APBB2: variants seen among roughly 807,000 people sequenced by gnomAD.
APBB2 encodes the protein Fe65-like 1.
In APBB2, 38 loss-of-function variants were observed where a neutral mutation model predicts 82.5. The ratio of observed to expected loss-of-function variants is 0.46; its 90% CI spans 0.36 to 0.60. APBB2 has a LOEUF of 0.60. APBB2 is among the 20% of genes least tolerant of loss of function. The pLI is 0.00. For missense variants in APBB2, 772 were observed against 972.3 expected (o/e 0.79, Z 2.74); for synonymous variants, 341 against 368.2 (o/e 0.93, Z 0.85).
chr4:40,971,215 C>A (rs1353987801), intron 6 of APBB2, among the ~76,000 whole-genome samples: 1 of 152,158 alleles, frequency 6.6e-6, no homozygotes, highest in Non-Finnish European at 1.5e-5. Flanking sequence ...GAGACTCGAA[C>A]TCTAGGAGGA....
intron 12 of APBB2, among the ~76,000 whole-genome samples, chr4:40,831,429 T>G (rs974911650): frequency 4.0e-5 from 6 of 151,678 alleles, no homozygotes; most frequent in African/African-American, 1.5e-4. Context: ...AAACATAACT[T>G]CAAAAGCCAG....
chr4:40,825,897 G>A lies in APBB2; in HGVS notation c.1806C>T (p.Asp602=), dbSNP rs773781025. 5.0e-6 allele frequency: 8 copies of A among 1,613,978 alleles called. No homozygotes were observed. The highest frequency in any genetic ancestry group is 2.2e-5 in the South Asian group (2 of 91,076). ...AAACATTTCACATACCGACTGGTTTGTCTACAGGTAACATGCCCAAGTACT... is the reference window on the plus strand; with the variant it reads ...AAACATTTCACATACCGACTGGTTTATCTACAGGTAACATGCCCAAGTACT... ...HVQYLGMLPV[D]KPVGMDILNS... is the part of the protein sequence containing the mutation. Residue 602 remains aspartate (D), a synonymous_variant, in exon 15 of 18, where the codon GAC becomes GAT. Coordinates refer to ENST00000508593, the MANE Select transcript of APBB2 (RefSeq NM_004307.2).
chr4:40,835,126 CTT>C (rs1247936393), intron 12 of APBB2, among the ~76,000 whole-genome samples: 1 of 150,012 alleles, frequency 6.7e-6, no homozygotes, highest in African/African-American at 2.5e-5. Context: ...AATACAAAAA[CTT>C]AGCCGGGCGT....
intron 12 of APBB2, among the ~76,000 whole-genome samples, chr4:40,875,243 G>A (rs1326917305): frequency 6.6e-6 from 1 of 152,180 alleles, no homozygotes; most frequent in East Asian, 1.9e-4. Context: ...AAAGATCAGG[G>A]GTGGACAAAC....
At chr4:41,074,259 TTAAA>T (rs2153908118) in intron 3 of APBB2, among the ~76,000 whole-genome samples, 1 of 152,350 alleles carries the variant, frequency 6.6e-6, no homozygotes, top group African/African-American at 2.4e-5. Context: ...AAGCTCTGCA[TTAAA>T]TAATCTGGTC....
intron 12 of APBB2, among the ~76,000 whole-genome samples, chr4:40,860,446 C>T (rs1208521103): frequency 6.6e-6 from 1 of 152,204 alleles, no homozygotes; most frequent in East Asian, 1.9e-4. Flanking sequence ...GTGCTATTGT[C>T]ACACGGCAAC....
intron 3 of APBB2, among the ~76,000 whole-genome samples, chr4:41,089,881 C>T (rs558258510): frequency 4.6e-4 from 70 of 152,218 alleles, no homozygotes; most frequent in Non-Finnish European, 5.1e-4. Flanking sequence ...TTTGATCCTA[C>T]GCCCATGTCT....
At position 40,893,078 on chromosome 4, in the gene APBB2, G is replaced by A; in HGVS notation, c.1401+187C>T. On this transcript the variant is annotated intron_variant, in intron 11 of 17. Coordinates refer to ENST00000508593, the MANE Select transcript of APBB2 (RefSeq NM_004307.2). Reference sequence around the variant, plus strand: ...CTCTCTCCAGGCCCCAGTCCTCACTGGCATCTGGCAGTGCTAAGGGATCAG... The same window carrying A: ...CTCTCTCCAGGCCCCAGTCCTCACTAGCATCTGGCAGTGCTAAGGGATCAG... 3 of 563,508 alleles carry A rather than the reference G, an allele frequency of 5.3e-6. No individual in the cohort carries two copies. The South Asian group carries it at 9.2e-5, about 17-fold the overall frequency. The allele number at this position is 563,508 out of a possible 1,614,324, so 34.9% of individuals were successfully genotyped here.
chr4:40,969,159 C>T (rs1273083785), intron 6 of APBB2, among the ~76,000 whole-genome samples: 1 of 152,182 alleles, frequency 6.6e-6, no homozygotes, highest in Non-Finnish European at 1.5e-5. Context: ...TGAAAACAGA[C>T]TAATACATCT....
intron 1 of APBB2, among the ~76,000 whole-genome samples, chr4:41,180,529 T>C (rs1771036061): frequency 6.6e-6 from 1 of 151,800 alleles, no homozygotes; most frequent in African/African-American, 2.4e-5. Context: ...AACTACTTGA[T>C]GGGGGGGCAG....
Position 41,195,803 on chromosome 4 carries a change from TC to T in APBB2, c.-417+18601del. On this transcript the variant is annotated intron_variant, in intron 1 of 17. Coordinates refer to ENST00000508593, the MANE Select transcript of APBB2 (RefSeq NM_004307.2). The stretch of plus-strand genomic sequence containing the variant: ...CATCCTCCACTCCTGGAATACCCCT[TC>T]CCGCCATATGCACAACCCAGGGGAT... Among the ~76,000 whole-genome samples, 5 of 151,882 alleles carry T rather than the reference TC, an allele frequency of 3.3e-5. No homozygotes were observed. The East Asian group carries it at 9.7e-4, about 29-fold the overall frequency.
Position 40,988,067 on chromosome 4 carries a change from T to C in APBB2, c.835+25516A>G, listed in dbSNP as rs141712990. 1.6e-4 allele frequency among the ~76,000 whole-genome samples: 25 copies of C among 152,260 alleles called. No individual in the cohort carries two copies. In the East Asian group the frequency reaches 3.9e-3, roughly 24 times the overall value. On this transcript the variant is annotated intron_variant, in intron 6 of 17. Transcript: ENST00000508593. ...TTATTTTGTGAACTAAATGAGATAA[T>C]GGAAATGATCAGACTGTTCATATGG...
intron 12 of APBB2, among the ~76,000 whole-genome samples, chr4:40,835,433 A>G (rs532638594): frequency 2.0e-5 from 3 of 152,314 alleles, no homozygotes; most frequent in Admixed American, 6.5e-5. Context: ...TGCTTCTTTA[A>G]GTGTAAGAAG....
intron 10 of APBB2, among the ~76,000 whole-genome samples, chr4:40,920,508 G>C (rs1780987554): frequency 6.6e-6 from 1 of 152,132 alleles, no homozygotes; most frequent in African/African-American, 2.4e-5. Flanking sequence ...TGAGCTTAAG[G>C]AACAGAACTC....
chr4:41,149,229 CG>C (rs1761571279), intron 1 of APBB2, among the ~76,000 whole-genome samples: 1 of 151,324 alleles, frequency 6.6e-6, no homozygotes, highest in African/African-American at 2.4e-5. Context: ...AGTTTTACCA[CG>C]GGGAATATCA....
In APBB2 at chr4:40,813,074, C is replaced by T. The variant is rs1232430257; in HGVS notation, c.*3018G>A. 6.6e-6 allele frequency: 1 copy of T among 152,232 alleles called. No homozygotes were observed. The highest frequency in any genetic ancestry group is 1.5e-5 in the Non-Finnish European group (1 of 68,046). The allele number at this position is 152,232 out of a possible 1,614,324, so 9.4% of individuals were successfully genotyped here. The stretch of plus-strand genomic sequence containing the variant: ...GGAGCAGATGTATGAGGTGGCAAGT[C>T]TGTGTCTATCTAGCTGCTTTTAAAA... On this transcript the variant is annotated 3_prime_UTR_variant, in exon 18 of 18. Coordinates refer to ENST00000508593, the MANE Select transcript of APBB2 (RefSeq NM_004307.2).
At chr4:40,950,036 C>A (rs1789656791) in intron 6 of APBB2, among the ~76,000 whole-genome samples, 1 of 152,160 alleles carries the variant, frequency 6.6e-6, no homozygotes, top group Non-Finnish European at 1.5e-5. Flanking sequence ...GAATTCGGAC[C>A]AACTGCGGGG....
chr4:40,864,695 G>T (rs944741934), intron 12 of APBB2, among the ~76,000 whole-genome samples: 17 of 152,038 alleles, frequency 1.1e-4, no homozygotes, highest in African/African-American at 4.1e-4. Flanking sequence ...GCCATTCCCT[G>T]GCCTTCACTG....
intron 16 of APBB2, 145 bp downstream of exon 16, chr4:40,823,499 G>A (rs1443688443): frequency 6.4e-6 from 4 of 623,376 alleles, no homozygotes; most frequent in South Asian, 1.9e-5. Flanking sequence ...CCCAGACAAA[G>A]GGCCAAATCT....
Sources: gnomAD v4.1 joint callset for allele counts (sites outside exome capture counted in the v4.1 genomes callset) on GRCh38, gnomAD v4.1.1 for gene constraint, MANE v1.5 for transcripts, NCBI Gene and HGNC (gene_info 2026-07-23, HGNC 2026-07-21) for gene names.